Variants in ABCB1 observed in about 807,000 individuals in gnomAD.
ABCB1 encodes ATP binding cassette subfamily B member 1, also known as ATP-dependent translocase ABCB1.
A neutral mutation model predicts 142.0 loss-of-function variants in ABCB1; 69 were observed. The ratio of observed to expected loss-of-function variants is 0.49; its 90% CI spans 0.40 to 0.59. The LOEUF is 0.59. Ranked by LOEUF, ABCB1 falls within the 20% of genes least tolerant of loss-of-function variation. The pLI, the probability that ABCB1 is intolerant of heterozygous loss-of-function variation, is 0.00. For missense variants in ABCB1, 1,326 were observed against 1,554.7 expected, an observed-to-expected ratio of 0.85 and a Z score of 2.47; for synonymous variants, 532 against 539.2, an observed-to-expected ratio of 0.99 and a Z score of 0.18.
intron 1 of ABCB1, among the ~76,000 whole-genome samples, chr7:87,658,481 C>T (rs1305304705): frequency 6.6e-6 from 1 of 152,150 alleles, no homozygotes; most frequent in Non-Finnish European, 1.5e-5. Flanking sequence ...AAGTACTCAA[C>T]AGCTGAAAAT....
At chr7:87,651,081 G>A (rs959069008) in intron 1 of ABCB1, 4 of 581,830 alleles carry the variant, frequency 6.9e-6, no homozygotes, top group East Asian at 5.9e-5. Context: ...GTGTGACTAC[G>A]AAAGAGCCTC....
intron 21 of ABCB1, among the ~76,000 whole-genome samples, chr7:87,529,050 T>A (rs542021900): frequency 6.6e-6 from 1 of 152,284 alleles, no homozygotes; most frequent in African/African-American, 2.4e-5. Flanking sequence ...TCAGAAGCCA[T>A]TTGGGAGTTT....
intron 21 of ABCB1, among the ~76,000 whole-genome samples, chr7:87,527,094 G>A (rs1390067045): frequency 6.6e-6 from 1 of 151,596 alleles, no homozygotes; most frequent in Non-Finnish European, 1.5e-5. Context: ...GAACATTTCT[G>A]CTGCCTCTTG....
chr7:87,626,172 TA>T lies in ABCB1; in HGVS notation c.-330-25095del, dbSNP rs1407391803. Among the ~76,000 whole-genome samples the T allele has an allele frequency of 1.7e-4, 21 of 126,160 alleles. 1 individual carries two copies. Among genetic ancestry groups the T allele is most frequent in the East Asian group, 1.2e-3 (5 of 4,302 alleles). 82.8% of individuals were successfully genotyped at this position (126,160 alleles called of 152,430 possible). On this transcript the variant is annotated intron_variant, in intron 1 of 28. Transcript: ENST00000265724. ...TATTGTCATATATATGTGTCATATATATTGTCATATATATGTGTCATATATA... is the reference window on the plus strand; with the variant it reads ...TATTGTCATATATATGTGTCATATATTTGTCATATATATGTGTCATATATA...
In ABCB1 at chr7:87,600,145, T is replaced by C; in HGVS notation, c.40A>G (p.Lys14Glu). 2 of 1,614,084 alleles carry C rather than the reference T, an allele frequency of 1.2e-6. No individual in the cohort carries two copies. The highest frequency in any genetic ancestry group is 1.7e-6 in the Non-Finnish European group (2 of 1,179,944). ...EGDRNGGAKK[K>E]NFFKLNNKSE... ...TTATTGTTCAGTTTAAAAAAGTTCT[T>C]CTTCTTTGCTCCTCCATTGCGGTCC... The change falls in exon 2 of 28, where the codon AAG (lysine) becomes GAG (glutamate). Residue 14 changes from lysine to glutamate, a missense_variant. Transcript: ENST00000622132.
intron 3 of ABCB1, among the ~76,000 whole-genome samples, chr7:87,595,286 T>G (rs1194314670): frequency 6.6e-6 from 1 of 152,184 alleles, no homozygotes; most frequent in Non-Finnish European, 1.5e-5. Flanking sequence ...TAGTAATAAA[T>G]AATCCATTGC....
At chr7:87,587,946 G>C (rs1014560707) in intron 3 of ABCB1, among the ~76,000 whole-genome samples, 1 of 116,958 alleles carries the variant, frequency 8.6e-6, no homozygotes, top group Non-Finnish European at 2.0e-5. Flanking sequence ...AGCACAATGT[G>C]CTTAAAAAAG....
Position 87,549,852 on chromosome 7 carries a change from T to A in ABCB1, c.1553A>T (p.His518Leu). 6.2e-7 allele frequency: 1 copy of A among 1,614,202 alleles called. No individual in the cohort carries two copies. The highest frequency in any genetic ancestry group is 8.5e-7 in the Non-Finnish European group (1 of 1,180,022). ...AGGCAAAGGGCAAGGACAACTTACA[T>A]GAGGCAGTTTCATGATAAAGTCATA... ...NAYDFIMKLP[H>L]KFDTLVGERG... Residue 518 changes from histidine to leucine, a missense_variant and splice_region_variant, in exon 13 of 28, where the codon CAT becomes CTT. Physicochemically the swap from His to Leu is moderately conservative, Grantham distance 99. Coordinates refer to ENST00000622132, the MANE Select transcript of ABCB1 (RefSeq NM_001348946.2).
chr7:87,565,986 A>C (rs1001475101), intron 7 of ABCB1, 84 bp downstream of exon 7: 25 of 1,423,910 alleles, frequency 1.8e-5, no homozygotes, highest in Non-Finnish European at 2.2e-5. Context: ...CAGAGTCATC[A>C]TGTAGTAAAA....
At chr7:87,635,450 G>T (rs1158104384) in intron 1 of ABCB1, among the ~76,000 whole-genome samples, 2 of 152,056 alleles carry the variant, frequency 1.3e-5, no homozygotes, top group Non-Finnish European at 2.9e-5. Flanking sequence ...TGATTTATTT[G>T]TATCTACTGG....
intron 1 of ABCB1, among the ~76,000 whole-genome samples, chr7:87,641,905 A>G (rs1822496491): frequency 6.6e-6 from 1 of 152,138 alleles, no homozygotes; most frequent in Admixed American, 6.5e-5. Flanking sequence ...ACAGAACCAA[A>G]TCTTCTGTTA....
intron 1 of ABCB1, among the ~76,000 whole-genome samples, chr7:87,626,808 C>G (rs894578002): frequency 6.6e-6 from 1 of 151,454 alleles, no homozygotes; most frequent in African/African-American, 2.4e-5. Flanking sequence ...TGGAGTCTCA[C>G]TCTGTCGCCC....
chr7:87,687,291 G>A (rs1321254552), intron 1 of ABCB1, among the ~76,000 whole-genome samples: 1 of 152,064 alleles, frequency 6.6e-6, no homozygotes, highest in Admixed American at 6.6e-5. Context: ...GCTGTTTACT[G>A]TGTAAGGAGC....
chr7:87,518,975 T>G (rs552732701), intron 23 of ABCB1: 168 of 290,594 alleles, frequency 5.8e-4, no homozygotes, highest in African/African-American at 3.1e-3. Context: ...TTTTACTTGC[T>G]CTGTAAGAAA....
At chr7:87,587,091 T>C (rs1818790434) in intron 3 of ABCB1, among the ~76,000 whole-genome samples, 1 of 152,234 alleles carries the variant, frequency 6.6e-6, no homozygotes, top group Non-Finnish European at 1.5e-5. Context: ...TATTTTTTCA[T>C]ATTTCATTGA....
At chr7:87,613,647 A>G (rs1179789755) in intron 1 of ABCB1, among the ~76,000 whole-genome samples, 3 of 152,190 alleles carry the variant, frequency 2.0e-5, no homozygotes. Context: ...TGGGAGCCAA[A>G]TATTGGGTAC....
At chr7:87,675,590 T>G (rs761240802) in intron 1 of ABCB1, among the ~76,000 whole-genome samples, 8 of 118,352 alleles carry the variant, frequency 6.8e-5, no homozygotes, top group South Asian at 2.5e-4. Flanking sequence ...ACACCAAGAG[T>G]ACACAATAGG....
chr7:87,510,020 G>A (rs547968542), intron 25 of ABCB1, among the ~76,000 whole-genome samples: 9 of 152,258 alleles, frequency 5.9e-5, no homozygotes, highest in African/African-American at 2.2e-4. Context: ...ATCCTTTGGA[G>A]CCTCTAGAAG....
intron 3 of ABCB1, among the ~76,000 whole-genome samples, chr7:87,591,797 T>A (rs1341749809): frequency 6.6e-6 from 1 of 151,902 alleles, no homozygotes; most frequent in African/African-American, 2.4e-5. Flanking sequence ...GGAGTTTGCA[T>A]GAGAATAAAA....
Sources: allele counts gnomAD v4.1 joint callset (sites outside exome capture counted in the v4.1 genomes callset), GRCh38; gene constraint gnomAD v4.1.1; transcripts MANE v1.5; gene names NCBI Gene and HGNC (gene_info 2026-07-23, HGNC 2026-07-21).